The following PLXNA4 variants were observed in gnomAD, a reference collection of about 807,000 sequenced individuals.
PLXNA4 encodes plexin-A4.
A neutral mutation model predicts 191.8 loss-of-function variants in PLXNA4; 44 were observed. The observed-to-expected ratio is 0.23, with a 90% CI of 0.18 to 0.29. The LOEUF is 0.29. Ranked by LOEUF, PLXNA4 falls within the 10% of genes least tolerant of loss-of-function variation. The pLI is 1.00. For missense variants in PLXNA4, 1,800 were observed against 2,488.8 expected (o/e 0.72, Z 5.89); for synonymous variants, 1,082 against 1,009.5 (o/e 1.07, Z -1.36).
intron 3 of PLXNA4, among the ~76,000 whole-genome samples, chr7:132,331,446 A>G (rs2116696309): frequency 6.6e-6 from 1 of 152,340 alleles, no homozygotes; most frequent in Admixed American, 6.5e-5. Flanking sequence ...AAGGAGCAAG[A>G]CACACAGCTC....
At chr7:132,383,926 C>A (rs767853812) in intron 3 of PLXNA4, 24 of 985,346 alleles carry the variant, frequency 2.4e-5, no homozygotes, top group Non-Finnish European at 2.8e-5. Flanking sequence ...GGACGTATTT[C>A]TGAACAACTG....
intron 6 of PLXNA4, 30 bp from the exon 7 acceptor site, chr7:132,227,634 G>C: frequency 6.2e-7 from 1 of 1,613,842 alleles, no homozygotes; most frequent in Non-Finnish European, 8.5e-7. Context: ...GGGAGAGAAG[G>C]AGGAGGGTGA....
chr7:132,456,030 G>T (rs1201353817), intron 3 of PLXNA4, among the ~76,000 whole-genome samples: 1 of 152,236 alleles, frequency 6.6e-6, no homozygotes, highest in African/African-American at 2.4e-5. Context: ...GGCGCCGGTG[G>T]GAGGGCAGGA....
rs1263319890 is a variant in PLXNA4 at position 132,235,768 on chromosome 7, G to C, written c.1604+5298C>G. ...TGCCTGGGCACGAAGCCATGGGAGG[G>C]GAAGATGGAGAGGGGGCTGGGGACC... On this transcript the variant is annotated intron_variant, in intron 5 of 31. Coordinates refer to ENST00000321063, the MANE Select transcript of PLXNA4 (RefSeq NM_020911.2). Among the ~76,000 whole-genome samples the C allele has an allele frequency of 4.6e-5, 7 of 152,204 alleles. No individual in the cohort carries two copies. In the East Asian group the frequency reaches 1.4e-3, roughly 29 times the overall value.
At chr7:132,526,524 C>T (rs1382728036) in intron 1 of PLXNA4, among the ~76,000 whole-genome samples, 1 of 152,184 alleles carries the variant, frequency 6.6e-6, no homozygotes, top group Non-Finnish European at 1.5e-5. Context: ...CTCAAAGGCC[C>T]CGCCAACCCA....
chr7:132,347,496 C>T (rs1445960571), intron 3 of PLXNA4, among the ~76,000 whole-genome samples: 1 of 152,164 alleles, frequency 6.6e-6, no homozygotes, highest in Non-Finnish European at 1.5e-5. Context: ...CGGGAACCAA[C>T]CAAGAAACTG....
rs146466862 is a variant in PLXNA4, at chr7:132,190,890, G to A, written c.2856+3172C>T. Among the ~76,000 whole-genome samples the A allele has an allele frequency of 5.1e-3, 778 of 152,274 alleles. 8 individuals carry two copies. Among genetic ancestry groups the A allele is most frequent in the African/African-American group, 0.018 (744 of 41,556 alleles). Reference sequence around the variant, plus strand: ...AGGGCACAAAGAGGAGCCACTGAGCGGTGTGATGCAGTCAGATGTCTGGAG... The same window carrying A: ...AGGGCACAAAGAGGAGCCACTGAGCAGTGTGATGCAGTCAGATGTCTGGAG... On this transcript the variant is annotated intron_variant, in intron 14 of 31. Transcript: ENST00000321063.
rs1172553472 is a variant in PLXNA4 at position 132,168,501 on chromosome 7, C to T, written c.4089G>A (p.Val1363=). 1 of 1,613,562 alleles carries T rather than the reference C, an allele frequency of 6.2e-7. No individual in the cohort carries two copies. The highest frequency in any genetic ancestry group is 8.5e-7 in the Non-Finnish European group (1 of 1,179,718). Reference sequence around the variant, plus strand: ...GCGTGCGGATGAAGGACAGCAGGAACACCTTGTTGTTGATGAGCTGGGCGA... The same window carrying T: ...GCGTGCGGATGAAGGACAGCAGGAATACCTTGTTGTTGATGAGCTGGGCGA... ...KLFAQLINNK[V]FLLSFIRTLE... is the part of the protein sequence containing the mutation. Residue 1363 remains valine (V), a synonymous_variant, in exon 22 of 32, where the codon GTG becomes GTA. Transcript: ENST00000321063.
At chr7:132,577,406 C>G (rs1458149262), upstream of PLXNA4, 1 of 144,402 alleles carries the variant, frequency 6.9e-6, no homozygotes, top group Non-Finnish European at 1.5e-5. Flanking sequence ...TTCCCTTCCT[C>G]CCTCCCTCGC....
intron 2 of PLXNA4, among the ~76,000 whole-genome samples, chr7:132,618,542 C>G (rs1402270252): frequency 6.6e-6 from 1 of 152,208 alleles, no homozygotes; most frequent in African/African-American, 2.4e-5. Flanking sequence ...GCCTTTCACT[C>G]CCTGCTTCCC....
intron 4 of PLXNA4, among the ~76,000 whole-genome samples, chr7:132,282,356 T>C (rs1800510661): frequency 6.6e-6 from 1 of 151,950 alleles, no homozygotes; most frequent in African/African-American, 2.4e-5. Flanking sequence ...GTGGATCGCT[T>C]GAGCTCACGA....
intron 3 of PLXNA4, among the ~76,000 whole-genome samples, chr7:132,311,197 C>CGTGT (rs1181188430): frequency 1.3e-5 from 1 of 74,784 alleles, no homozygotes; most frequent in Non-Finnish European, 2.7e-5. Flanking sequence ...TGTGTGTGCG[C>CGTGT]GTGTGGCCTA....
chr7:132,346,389 C>T (rs1313672832), intron 3 of PLXNA4, among the ~76,000 whole-genome samples: 1 of 152,128 alleles, frequency 6.6e-6, no homozygotes, highest in Non-Finnish European at 1.5e-5. Flanking sequence ...TATTAAGTGA[C>T]CTACTCAAGT....
chr7:132,271,473 C>T lies in PLXNA4; in HGVS notation c.1503+26618G>A, dbSNP rs976023079. On this transcript the variant is annotated intron_variant, in intron 4 of 31. Coordinates refer to ENST00000321063, the MANE Select transcript of PLXNA4 (RefSeq NM_020911.2). ...GAAACATACCTGACAATGTCCCCTC[C>T]CTCCACCCCAGTGGTTACTGGTACC... 2.6e-5 allele frequency among the ~76,000 whole-genome samples: 4 copies of T among 151,828 alleles called. No individual in the cohort carries two copies. The East Asian group carries it at 7.7e-4, about 29-fold the overall frequency.
At chr7:132,228,028 C>T (rs781387902) in intron 6 of PLXNA4, among the ~76,000 whole-genome samples, 6 of 152,126 alleles carry the variant, frequency 3.9e-5, no homozygotes, top group Non-Finnish European at 7.4e-5. Context: ...TGCATCTTTC[C>T]CATTTTATAG....
chr7:132,326,302 C>T (rs1032861805), intron 3 of PLXNA4, among the ~76,000 whole-genome samples: 2 of 152,176 alleles, frequency 1.3e-5, no homozygotes, highest in African/African-American at 4.8e-5. Flanking sequence ...AACTTCCCAG[C>T]CTCCATAGTC....
chr7:132,314,468 G>A (rs1311472799), intron 3 of PLXNA4, among the ~76,000 whole-genome samples: 2 of 152,168 alleles, frequency 1.3e-5, no homozygotes, highest in Non-Finnish European at 2.9e-5. Context: ...GCCCATGACC[G>A]GGGGTGCTGG....
chr7:132,476,161 G>C (rs1797122249), intron 3 of PLXNA4, among the ~76,000 whole-genome samples: 1 of 152,176 alleles, frequency 6.6e-6, no homozygotes, highest in Non-Finnish European at 1.5e-5. Flanking sequence ...AATCAGGCAT[G>C]TGTGAGTATA....
intron 4 of PLXNA4, among the ~76,000 whole-genome samples, chr7:132,270,923 TGAG>T (rs1273213871): frequency 2.0e-5 from 3 of 152,242 alleles, no homozygotes; most frequent in Non-Finnish European, 4.4e-5. Context: ...GCAGTGGAGA[TGAG>T]TAGTACTCAC....
Sources: allele counts gnomAD v4.1 joint callset (sites outside exome capture counted in the v4.1 genomes callset), GRCh38; gene constraint gnomAD v4.1.1; transcripts MANE v1.5; gene names NCBI Gene and HGNC (gene_info 2026-07-23, HGNC 2026-07-21).